The following RBFOX1 variants were observed in gnomAD, a reference collection of about 807,000 sequenced individuals.
The protein encoded by RBFOX1 is RNA binding fox-1 homolog 1.
A neutral mutation model predicts 57.7 loss-of-function variants in RBFOX1; 8 were observed. The observed-to-expected ratio is 0.14, with a 90% CI of 0.08 to 0.25. The LOEUF (loss-of-function observed/expected upper bound fraction) is 0.25, where lower values mean the gene tolerates loss of function less well. RBFOX1 is among the 10% of genes least tolerant of loss of function. RBFOX1 has a pLI of 1.00. For missense variants in RBFOX1, 611 were observed against 548.5 expected, an observed-to-expected ratio of 1.11 and a Z score of -1.14; for synonymous variants, 326 against 222.4, an observed-to-expected ratio of 1.47 and a Z score of -4.15.
At chr16:7,568,881 T>TAAA (rs1376970317) in intron 5 of RBFOX1, among the ~76,000 whole-genome samples, 9 of 30,648 alleles carry the variant, frequency 2.9e-4, no homozygotes, top group Admixed American at 8.0e-4. Flanking sequence ...AGACTCTGTC[T>TAAA]CAAAAAAAAA....
At chr16:5,678,844 C>A (rs1310312488) in intron 3 of RBFOX1, among the ~76,000 whole-genome samples, 1 of 152,206 alleles carries the variant, frequency 6.6e-6, no homozygotes, top group Admixed American at 6.5e-5. Flanking sequence ...CTACTCAATG[C>A]TCACTCTTCT....
At chr16:6,820,677 A>AACAG (rs1171973670) in intron 3 of RBFOX1, among the ~76,000 whole-genome samples, 1 of 151,756 alleles carries the variant, frequency 6.6e-6, no homozygotes, top group Non-Finnish European at 1.5e-5. Flanking sequence ...AAACAAGCAA[A>AACAG]ACAAACAAAC....
intron 2 of RBFOX1, among the ~76,000 whole-genome samples, chr16:6,506,528 A>G (rs2096094985): frequency 6.6e-6 from 1 of 151,314 alleles, no homozygotes; most frequent in African/African-American, 2.4e-5. Flanking sequence ...GGGACCATTT[A>G]TAAACTTGGG....
chr16:5,443,484 C>T (rs2068148168), intron 1 of RBFOX1, among the ~76,000 whole-genome samples: 1 of 152,152 alleles, frequency 6.6e-6, no homozygotes, highest in Admixed American at 6.5e-5. Flanking sequence ...ATTACAGGCA[C>T]ACGCCACCAC....
intron 4 of RBFOX1, among the ~76,000 whole-genome samples, chr16:7,116,621 C>A (rs554813185): frequency 8.5e-5 from 13 of 152,294 alleles, no homozygotes; most frequent in Non-Finnish European, 1.5e-4. Flanking sequence ...CAGCAGCTGT[C>A]CAGGGCTGCG....
At chr16:7,257,380 C>T (rs1362073313) in intron 4 of RBFOX1, among the ~76,000 whole-genome samples, 2 of 152,120 alleles carry the variant, frequency 1.3e-5, no homozygotes, top group African/African-American at 4.8e-5. Flanking sequence ...ACTTGCTGCC[C>T]CTCTATCTTC....
chr16:5,699,508 G>C (rs1053488183), intron 3 of RBFOX1, among the ~76,000 whole-genome samples: 24 of 151,990 alleles, frequency 1.6e-4, no homozygotes, highest in African/African-American at 5.3e-4. Context: ...GCCCCCAAGA[G>C]GATGTTTTAG....
At chr16:6,203,960 C>G (rs1334232057) in intron 1 of RBFOX1, among the ~76,000 whole-genome samples, 1 of 150,070 alleles carries the variant, frequency 6.7e-6, no homozygotes, top group Non-Finnish European at 1.5e-5. Flanking sequence ...GTTGGTGGCT[C>G]TGCCAGTTCT....
chr16:6,905,962 G>C (rs913217838), intron 3 of RBFOX1, among the ~76,000 whole-genome samples: 5 of 152,288 alleles, frequency 3.3e-5, no homozygotes, highest in African/African-American at 1.2e-4. Flanking sequence ...AGCTTTGTTA[G>C]GTGCCAGGCT....
At chr16:7,225,613 C>G (rs1388423740) in intron 4 of RBFOX1, among the ~76,000 whole-genome samples, 9 of 151,706 alleles carry the variant, frequency 5.9e-5, no homozygotes, top group Non-Finnish European at 1.0e-4. Context: ...ACCTTACATT[C>G]AAAGATAACT....
intron 4 of RBFOX1, among the ~76,000 whole-genome samples, chr16:5,907,501 G>T (rs961940414): frequency 1.3e-5 from 2 of 152,046 alleles, no homozygotes; most frequent in African/African-American, 4.8e-5. Flanking sequence ...CAGAGGGCTT[G>T]GGCCTATGGA....
chr16:5,702,761 C>T (rs1220916633), intron 3 of RBFOX1, among the ~76,000 whole-genome samples: 1 of 152,146 alleles, frequency 6.6e-6, no homozygotes, highest in African/African-American at 2.4e-5. Flanking sequence ...GATGCATGAA[C>T]ATGCTGCTTG....
At chr16:7,694,720 G>A (rs1183955104) in intron 14 of RBFOX1, among the ~76,000 whole-genome samples, 1 of 152,176 alleles carries the variant, frequency 6.6e-6, no homozygotes, top group Non-Finnish European at 1.5e-5. Flanking sequence ...GGGAGTGGCA[G>A]GGAATGTTCC....
At position 5,427,577 on chromosome 16, in the gene RBFOX1, T is replaced by A. The variant is rs1011987334; in HGVS notation, c.220-39639T>A. 2.1e-5 allele frequency among the ~76,000 whole-genome samples: 3 copies of A among 145,684 alleles called. No homozygotes were observed. The East Asian group carries it at 6.0e-4, about 29-fold the overall frequency. On this transcript the variant is annotated intron_variant, in intron 1 of 2. Transcript: ENST00000585867. ...TCCAGCCTGGGCAACAGAGTGAGAC[T>A]CTGTCTCAAAACAAAACAAAACAAA...
intron 4 of RBFOX1, among the ~76,000 whole-genome samples, chr16:7,073,689 A>T (rs544259240): frequency 2.0e-5 from 3 of 151,116 alleles, no homozygotes; most frequent in East Asian, 2.0e-4. Flanking sequence ...ACAAAATAAT[A>T]AAAAAAAATA....
intron 4 of RBFOX1, among the ~76,000 whole-genome samples, chr16:5,959,902 G>C (rs1339519630): frequency 6.6e-6 from 1 of 152,150 alleles, no homozygotes; most frequent in Non-Finnish European, 1.5e-5. Flanking sequence ...AAGTGTTTTT[G>C]AATAAGAGGA....
At chr16:5,827,526 C>T (rs4609849) in intron 3 of RBFOX1, among the ~76,000 whole-genome samples, 112,511 of 151,788 alleles carry the variant, frequency 0.74, 42,488 homozygotes, top group African/African-American at 0.89. Context: ...ATCAAGACTC[C>T]GCAAGATTTT....
At chr16:6,558,854 C>G (rs2097140690) in intron 2 of RBFOX1, among the ~76,000 whole-genome samples, 1 of 150,472 alleles carries the variant, frequency 6.6e-6, no homozygotes, top group South Asian at 2.1e-4. Context: ...CCAAACATAC[C>G]CAGCTCCTCC....
rs142872059 is a variant in RBFOX1, at chr16:5,334,514, G to A, written c.219+94409G>A. Among the ~76,000 whole-genome samples, 32 of 152,126 alleles carry A rather than the reference G, an allele frequency of 2.1e-4. 1 individual carries two copies. The highest frequency in any genetic ancestry group is 7.2e-4 in the African/African-American group (30 of 41,530). On this transcript the variant is annotated intron_variant, in intron 1 of 2. Coordinates refer to the RBFOX1 transcript ENST00000585867. ...GGTTGGGTCTTGCTCATTTTTGGAG[G>A]ATTCTAGTAAATAAAGGAAGATGAA...
Sources: allele counts gnomAD v4.1 joint callset (sites outside exome capture counted in the v4.1 genomes callset), GRCh38; gene constraint gnomAD v4.1.1; transcripts MANE v1.5; gene names NCBI Gene and HGNC (gene_info 2026-07-23, HGNC 2026-07-21).